Variants in CACNG2 observed in about 807,000 individuals in gnomAD.
CACNG2 encodes calcium voltage-gated channel auxiliary subunit gamma 2.
Under a neutral mutation model 25.9 loss-of-function variants are expected in CACNG2, and 3 were observed. That is an observed-to-expected ratio of 0.12 (90% CI 0.05 to 0.30). The LOEUF is 0.30. Among genes scored for constraint, CACNG2 ranks in the 10% least tolerant of loss-of-function variants. The pLI, the probability that CACNG2 is intolerant of heterozygous loss-of-function variation, is 1.00. For missense variants in CACNG2, 341 were observed against 432.5 expected (o/e 0.79, Z 1.88); for synonymous variants, 167 against 173.3 (o/e 0.96, Z 0.29).
At chr22:36,618,354 C>T (rs1046914775) in intron 1 of CACNG2, among the ~76,000 whole-genome samples, 3 of 151,724 alleles carry the variant, frequency 2.0e-5, no homozygotes, top group Middle Eastern at 3.4e-3. Context: ...CCCCAGTCTG[C>T]TGCCAGGTCT....
intron 2 of CACNG2, among the ~76,000 whole-genome samples, chr22:36,579,998 C>T (rs1473922119): frequency 6.6e-6 from 1 of 152,244 alleles, no homozygotes; most frequent in Non-Finnish European, 1.5e-5. Context: ...GTGGCAATCG[C>T]TCTGCAATGG....
At chr22:36,656,999 T>C (rs1410493945) in intron 1 of CACNG2, among the ~76,000 whole-genome samples, 1 of 152,196 alleles carries the variant, frequency 6.6e-6, no homozygotes, top group Non-Finnish European at 1.5e-5. Flanking sequence ...TTTTGTTTGC[T>C]CTGTCCATGA....
chr22:36,645,016 C>T (rs1936497412), intron 1 of CACNG2, among the ~76,000 whole-genome samples: 1 of 152,146 alleles, frequency 6.6e-6, no homozygotes, highest in South Asian at 2.1e-4. Context: ...AAGACCAAAG[C>T]CTGCACCACA....
At chr22:36,653,733 C>T (rs1288175590) in intron 1 of CACNG2, among the ~76,000 whole-genome samples, 3 of 151,940 alleles carry the variant, frequency 2.0e-5, no homozygotes, top group Admixed American at 2.0e-4. Context: ...GCACTGGGTT[C>T]CCAGCCTGGG....
chr22:36,679,701 T>A lies in CACNG2; in HGVS notation c.211+22665A>T, dbSNP rs149299169. ...CTCCCTAGGTCACTGCCCACTTACG[T>A]GTGATGGAGAAAGAGCCCACTCCAG... On this transcript the variant is annotated intron_variant, in intron 1 of 3. Transcript: ENST00000300105. Among the ~76,000 whole-genome samples, 6 of 152,252 alleles carry A rather than the reference T, an allele frequency of 3.9e-5. No homozygotes were observed. In the East Asian group the frequency reaches 1.2e-3, roughly 29 times the overall value.
intron 1 of CACNG2, among the ~76,000 whole-genome samples, chr22:36,602,268 C>A (rs2145932701): frequency 6.6e-6 from 1 of 152,194 alleles, no homozygotes; most frequent in South Asian, 2.1e-4. Context: ...CAGATATTAA[C>A]CCTTATCTAA....
In CACNG2 at chr22:36,564,310, C is replaced by A. The variant is rs1349449879; in HGVS notation, c.*41G>T. Reference sequence around the variant, plus strand: ...CCCGCCCCGCCCCGCCCCCGGGGACCGCGCCCTCCTCCCGCGGTCTTCTGG... The same window carrying A: ...CCCGCCCCGCCCCGCCCCCGGGGACAGCGCCCTCCTCCCGCGGTCTTCTGG... On this transcript the variant is annotated 3_prime_UTR_variant, in exon 4 of 4. Transcript: ENST00000300105. The surrounding 1 kb of genome is among the most constrained non-coding windows in gnomAD (Gnocchi z 6.7). The A allele has an allele frequency of 1.9e-6, 3 of 1,583,666 alleles. No individual in the cohort carries two copies. The highest frequency in any genetic ancestry group is 1.7e-6 in the Non-Finnish European group (2 of 1,163,532).
chr22:36,666,159 C>A (rs1297666209), intron 1 of CACNG2, among the ~76,000 whole-genome samples: 5 of 152,172 alleles, frequency 3.3e-5, no homozygotes, highest in African/African-American at 1.2e-4. Flanking sequence ...AACACTAGCA[C>A]TTTTGGAGGC....
At chr22:36,625,354 A>G (rs985629961) in intron 1 of CACNG2, among the ~76,000 whole-genome samples, 1 of 152,034 alleles carries the variant, frequency 6.6e-6, no homozygotes, top group Admixed American at 6.6e-5. Context: ...TCACTCTGTA[A>G]TTTGGTGATC....
At chr22:36,687,505 T>C (rs1937216178) in intron 1 of CACNG2, among the ~76,000 whole-genome samples, 1 of 152,236 alleles carries the variant, frequency 6.6e-6, no homozygotes, top group Admixed American at 6.5e-5. Context: ...CTAAAGCCTT[T>C]TCCAGGTGTG....
chr22:36,686,361 T>C (rs907446133), intron 1 of CACNG2, among the ~76,000 whole-genome samples: 2 of 152,186 alleles, frequency 1.3e-5, no homozygotes, highest in African/African-American at 4.8e-5. Context: ...CTTGGTGCTG[T>C]TTCAGGCTTC....
chr22:36,572,599 G>A (rs1265778877), intron 2 of CACNG2, among the ~76,000 whole-genome samples: 1 of 152,204 alleles, frequency 6.6e-6, no homozygotes, highest in Non-Finnish European at 1.5e-5. Context: ...CTACTCGGGA[G>A]CCCGAGGCAG....
intron 1 of CACNG2, among the ~76,000 whole-genome samples, chr22:36,689,289 A>G (rs1268199595): frequency 1.3e-5 from 2 of 152,202 alleles, no homozygotes; most frequent in Non-Finnish European, 2.9e-5. Context: ...TCCCTGGGCT[A>G]TGGCAGGTAA....
At chr22:36,598,373 G>A (rs1056050200) in intron 1 of CACNG2, among the ~76,000 whole-genome samples, 18 of 151,542 alleles carry the variant, frequency 1.2e-4, no homozygotes, top group Non-Finnish European at 1.2e-4. Context: ...ATCCCAGCAC[G>A]TTGGGAGGCC....
intron 1 of CACNG2, among the ~76,000 whole-genome samples, chr22:36,648,865 C>T (rs1398868952): frequency 1.3e-5 from 2 of 152,180 alleles, no homozygotes; most frequent in Non-Finnish European, 2.9e-5. Context: ...TCATCCTCAT[C>T]TTAACCCCTA....
At chr22:36,656,663 C>T (rs112745294) in intron 1 of CACNG2, among the ~76,000 whole-genome samples, 187 of 152,312 alleles carry the variant, frequency 1.2e-3, no homozygotes, top group Middle Eastern at 0.01. Flanking sequence ...GCCCCTGCTG[C>T]GTCCCTGACC....
chr22:36,624,757 C>T (rs1004500120), intron 1 of CACNG2, among the ~76,000 whole-genome samples: 9 of 151,982 alleles, frequency 5.9e-5, no homozygotes, highest in African/African-American at 1.9e-4. Flanking sequence ...AGGCCGGGCC[C>T]GGTGGCTCCC....
chr22:36,622,794 A>G (rs1292686569), intron 1 of CACNG2, among the ~76,000 whole-genome samples: 1 of 151,886 alleles, frequency 6.6e-6, no homozygotes, highest in Non-Finnish European at 1.5e-5. Flanking sequence ...CCCCGTCTCT[A>G]CCAATAATAC....
At chr22:36,636,673 G>A (rs373527038) in intron 1 of CACNG2, among the ~76,000 whole-genome samples, 1 of 152,040 alleles carries the variant, frequency 6.6e-6, no homozygotes, top group Non-Finnish European at 1.5e-5. Flanking sequence ...GGAACTTCTC[G>A]TTTATTTAAC....
Sources: gnomAD v4.1 joint callset for allele counts (sites outside exome capture counted in the v4.1 genomes callset) on GRCh38, gnomAD v4.1.1 for gene constraint, Gnocchi (gnomAD v3.1) non-coding constraint, MANE v1.5 for transcripts, NCBI Gene and HGNC (gene_info 2026-07-23, HGNC 2026-07-21) for gene names.